The following RAB3GAP1 variants were observed in gnomAD, a reference collection of about 807,000 sequenced individuals.
RAB3GAP1 encodes RAB3 GTPase activating protein catalytic subunit 1, also known as rab3 GTPase-activating protein catalytic subunit.
A neutral mutation model predicts 130.7 loss-of-function variants in RAB3GAP1; 86 were observed. That is an observed-to-expected ratio of 0.66 (90% CI 0.55 to 0.79). The LOEUF (loss-of-function observed/expected upper bound fraction) is 0.79. Ranked by LOEUF, RAB3GAP1 falls within the 30% of genes least tolerant of loss-of-function variation. The pLI is 0.00. For synonymous variants in RAB3GAP1, 367 were observed against 401.7 expected (o/e 0.91, Z 1.03); for missense variants, 1,029 against 1,169.4 (o/e 0.88, Z 1.75).
downstream of RAB3GAP1, among the ~76,000 whole-genome samples, chr2:135,172,434 C>CAAAA (rs34579738): frequency 3.2e-5 from 4 of 124,826 alleles, no homozygotes; most frequent in Admixed American, 7.9e-5. Context: ...GACTCTGTCT[C>CAAAA]AAAAAAAAAA....
At chr2:135,136,632 C>G (rs1691686536) in intron 17 of RAB3GAP1, 1 of 974,936 alleles carries the variant, frequency 1.0e-6, no homozygotes, top group Non-Finnish European at 1.4e-6. Context: ...TCCAACTGCA[C>G]TTATGTATGT....
intron 19 of RAB3GAP1, among the ~76,000 whole-genome samples, chr2:135,157,800 C>G (rs1692353410): frequency 6.7e-6 from 1 of 148,874 alleles, no homozygotes; most frequent in Non-Finnish European, 1.5e-5. Context: ...TCACTGCACT[C>G]CAGCCTGGGT....
chr2:135,083,630 A>AT lies in RAB3GAP1; in HGVS notation c.151-7354dup, dbSNP rs201120356. ...GCATGTACCAACACATTAAAAAAAA[A>AT]TTTTTTTTTTTTTTCGGTTAGGGAT... is the stretch of plus-strand genomic sequence containing the variant. On this transcript the variant is annotated intron_variant, in intron 3 of 23. Coordinates refer to ENST00000264158, the MANE Select transcript of RAB3GAP1 (RefSeq NM_012233.3). Among the ~76,000 whole-genome samples, 1,082 of 141,502 alleles carry AT rather than the reference A, an allele frequency of 7.6e-3. 15 individuals are homozygous for AT. The highest frequency in any genetic ancestry group is 0.021 in the African/African-American group (840 of 39,164). The allele number at this position is 141,502 out of a possible 152,430, so 92.8% of individuals were successfully genotyped here. A position where few individuals can be genotyped will look rare whatever the true frequency, so the allele number is the denominator to read the frequency against.
intron 3 of RAB3GAP1, among the ~76,000 whole-genome samples, chr2:135,087,142 TTTAA>T (rs1214268816): frequency 1.3e-5 from 2 of 152,210 alleles, no homozygotes; most frequent in African/African-American, 4.8e-5. Context: ...CATGTGAATA[TTTAA>T]TTATTCCAGC....
chr2:135,138,997 T>A (rs1691762124), intron 17 of RAB3GAP1, among the ~76,000 whole-genome samples: 1 of 152,200 alleles, frequency 6.6e-6, no homozygotes, highest in South Asian at 2.1e-4. Flanking sequence ...CTCAGTGTTT[T>A]AGATTGTATT....
At chr2:135,117,684 G>GCTT (rs1301572096) in intron 7 of RAB3GAP1, among the ~76,000 whole-genome samples, 1 of 22,712 alleles carries the variant, frequency 4.4e-5, no homozygotes, top group African/African-American at 1.6e-4. Flanking sequence ...TTCTGCTTCT[G>GCTT]CTTCTTCTTC....
downstream of RAB3GAP1, among the ~76,000 whole-genome samples, chr2:135,175,063 A>G (rs185449021): frequency 4.6e-5 from 7 of 152,346 alleles, no homozygotes; most frequent in East Asian, 7.7e-4. Flanking sequence ...AAAAAAACAC[A>G]AGCAATGGCC....
At position 135,169,914 on chromosome 2, in the gene RAB3GAP1, T is replaced by C. The variant is rs904176525; in HGVS notation, c.*1133T>C. 2 of 343,776 alleles carry C rather than the reference T, an allele frequency of 5.8e-6. No homozygotes were observed. The highest frequency in any genetic ancestry group is 4.4e-5 in the African/African-American group (2 of 45,904). 21.3% of individuals were successfully genotyped at this position (343,776 alleles called of 1,614,324 possible). ...AAGTAAAAATGGTTATACTGAAGCA[T>C]AAACCTTGCCTGTGTAATTTTAAAA... is the stretch of plus-strand genomic sequence containing the variant. On this transcript the variant is annotated 3_prime_UTR_variant, in exon 24 of 24. Transcript: ENST00000264158.
intron 3 of RAB3GAP1, among the ~76,000 whole-genome samples, chr2:135,064,388 C>T (rs560256901): frequency 1.3e-5 from 2 of 152,020 alleles, no homozygotes; most frequent in African/African-American, 2.4e-5. Flanking sequence ...TCTTTTTTCT[C>T]TCTGTTCCTT....
rs547413241 is a variant in RAB3GAP1, at chr2:135,134,713, T to G, written c.1500-552T>G. 2.0e-5 allele frequency among the ~76,000 whole-genome samples: 3 copies of G among 152,316 alleles called. No homozygotes were observed. In the East Asian group the frequency reaches 5.8e-4, roughly 29 times the overall value. ...GCTTAGCTGGATTCTCTCTTGGTTT[T>G]AGACAGTCCGCTCTGGAACATTTTA... On this transcript the variant is annotated intron_variant, in intron 15 of 23. Transcript: ENST00000264158.
intron 23 of RAB3GAP1, among the ~76,000 whole-genome samples, chr2:135,167,179 A>G (rs1692679548): frequency 6.6e-6 from 1 of 152,178 alleles, no homozygotes; most frequent in South Asian, 2.1e-4. Flanking sequence ...TTTATAGCTT[A>G]TAGTAATTCT....
At chr2:135,056,363 T>C (rs1037943788) in intron 2 of RAB3GAP1, among the ~76,000 whole-genome samples, 2 of 151,866 alleles carry the variant, frequency 1.3e-5, no homozygotes, top group Non-Finnish European at 2.9e-5. Context: ...CCACCGCGCC[T>C]GGCTAATTTT....
chr2:135,127,568 T>C (rs902111045), intron 11 of RAB3GAP1, among the ~76,000 whole-genome samples: 6 of 151,980 alleles, frequency 3.9e-5, no homozygotes, highest in African/African-American at 1.5e-4. Flanking sequence ...GGTCTCGATC[T>C]CCTGACCTCA....
At position 135,120,718 on chromosome 2, in the gene RAB3GAP1, GGTA is replaced by G. The variant is rs567941432; in HGVS notation, c.649-97_649-95del. On this transcript the variant is annotated intron_variant, in intron 7 of 23. Coordinates refer to ENST00000264158, the MANE Select transcript of RAB3GAP1 (RefSeq NM_012233.3). ...AATCTGAAAATCCAGGTTTCATAAAGGTAGTATTAATCCATTCCATAAGTTTGA... is the reference window on the plus strand; with the variant it reads ...AATCTGAAAATCCAGGTTTCATAAAGGTATTAATCCATTCCATAAGTTTGA... The G allele has an allele frequency of 1.6e-4, 139 of 850,304 alleles. 1 individual carries two copies. In the South Asian group the frequency reaches 1.7e-3, roughly 11 times the overall value. The allele number at this position is 850,304 out of a possible 1,614,324, so 52.7% of individuals were successfully genotyped here. A position where few individuals can be genotyped will look rare whatever the true frequency, so the allele number is the denominator to read the frequency against.
chr2:135,097,326 C>T (rs1678039650), intron 5 of RAB3GAP1, among the ~76,000 whole-genome samples: 1 of 151,686 alleles, frequency 6.6e-6, no homozygotes, highest in South Asian at 2.1e-4. Flanking sequence ...AGTGATCCTT[C>T]TGCCTCAGCC....
chr2:135,086,295 A>G (rs1007009925), intron 3 of RAB3GAP1, among the ~76,000 whole-genome samples: 1 of 152,130 alleles, frequency 6.6e-6, no homozygotes, highest in Non-Finnish European at 1.5e-5. Context: ...AAACTGGCAA[A>G]TTCTTTTCTA....
At chr2:135,129,851 G>GTT in intron 11 of RAB3GAP1, 144 bp from the exon 12 acceptor site, 1 of 634,724 alleles carries the variant, frequency 1.6e-6, no homozygotes, top group Non-Finnish European at 2.8e-6. Context: ...ATTAATTTTT[G>GTT]TTTTTTTCAA....
chr2:135,122,567 T>C (rs1041788771), intron 8 of RAB3GAP1, among the ~76,000 whole-genome samples: 1 of 152,164 alleles, frequency 6.6e-6, no homozygotes, highest in Non-Finnish European at 1.5e-5. Context: ...TCTCCCTCAG[T>C]AGATTGAAAG....
At chr2:135,105,619 A>G (rs1690579522) in intron 5 of RAB3GAP1, among the ~76,000 whole-genome samples, 1 of 152,042 alleles carries the variant, frequency 6.6e-6, no homozygotes, top group South Asian at 2.1e-4. Context: ...TGGCCTCCCA[A>G]AGTGCTGAGA....
Sources: allele counts gnomAD v4.1 joint callset (sites outside exome capture counted in the v4.1 genomes callset), GRCh38; gene constraint gnomAD v4.1.1; transcripts MANE v1.5; gene names NCBI Gene and HGNC (gene_info 2026-07-23, HGNC 2026-07-21).